Variants in ZC2HC1B observed in about 807,000 individuals in gnomAD.
The protein encoded by ZC2HC1B is zinc finger C2HC-type containing 1B, also known as zinc finger C2HC domain-containing protein 1B.
Under a neutral mutation model 31.0 loss-of-function variants are expected in ZC2HC1B, and 36 were observed. The observed-to-expected ratio is 1.16, with a 90% CI of 0.89 to 1.54. The LOEUF (loss-of-function observed/expected upper bound fraction) is 1.54, where lower values mean the gene tolerates loss of function less well. Among genes scored for constraint, ZC2HC1B ranks in the 40% most tolerant of loss-of-function variants. The pLI, the probability that ZC2HC1B is intolerant of heterozygous loss-of-function variation, is 0.00. For missense variants in ZC2HC1B, 260 were observed against 268.6 expected (o/e 0.97, Z 0.22); for synonymous variants, 73 against 88.0 (o/e 0.83, Z 0.95).
rs938029534 is a variant in ZC2HC1B, at chr6:143,865,674, A to G, written c.28+1107A>G. Among the ~76,000 whole-genome samples the G allele has an allele frequency of 6.6e-6, 1 of 151,844 alleles. No individual in the cohort carries two copies. Among genetic ancestry groups the G allele is most frequent in the Admixed American group, 6.6e-5 (1 of 15,228 alleles). On this transcript the variant is annotated intron_variant, in intron 1 of 7. Coordinates refer to ENST00000237275, the MANE Select transcript of ZC2HC1B (RefSeq NM_001013623.3). The surrounding 1 kb of genome is among the most constrained non-coding windows in gnomAD (Gnocchi z 4.4). ...TCAGTATACAGTCACAAAGTAGTGT[A>G]TGAATGAATGGATAGATGGGAAAGA...
intron 6 of ZC2HC1B, among the ~76,000 whole-genome samples, chr6:143,928,291 A>C (rs1045016533): frequency 6.6e-6 from 1 of 152,114 alleles, no homozygotes; most frequent in African/African-American, 2.4e-5. Flanking sequence ...TAATTTTTGT[A>C]TATGATGACA....
At chr6:143,892,954 G>A (rs1456164570) in intron 4 of ZC2HC1B, among the ~76,000 whole-genome samples, 1 of 150,040 alleles carries the variant, frequency 6.7e-6, no homozygotes, top group Non-Finnish European at 1.5e-5. Context: ...AAACATTTCA[G>A]TTTAAGACTT....
chr6:143,880,146 T>C (rs1777451743), intron 1 of ZC2HC1B, among the ~76,000 whole-genome samples: 1 of 152,166 alleles, frequency 6.6e-6, no homozygotes, highest in Non-Finnish European at 1.5e-5. Context: ...ATTTTTGATG[T>C]GTTAAACAAA....
At chr6:143,919,049 G>A (rs2128496721) in intron 6 of ZC2HC1B, among the ~76,000 whole-genome samples, 1 of 152,014 alleles carries the variant, frequency 6.6e-6, no homozygotes, top group South Asian at 2.1e-4. Context: ...TCTGTCATCA[G>A]GTCTTTTTTT....
rs192153938 is a variant in ZC2HC1B at position 143,873,577 on chromosome 6, T to C, written c.28+9010T>C. 3.3e-5 allele frequency among the ~76,000 whole-genome samples: 5 copies of C among 152,362 alleles called. No individual in the cohort carries two copies. The East Asian group carries it at 9.6e-4, about 29-fold the overall frequency. ...TTGCCTGAGAATCCAGGCGTTTCCATACATCTTCTGAAATCTAGGGGGAAG... is the reference window on the plus strand; with the variant it reads ...TTGCCTGAGAATCCAGGCGTTTCCACACATCTTCTGAAATCTAGGGGGAAG... On this transcript the variant is annotated intron_variant, in intron 1 of 7. Coordinates refer to ENST00000237275, the MANE Select transcript of ZC2HC1B (RefSeq NM_001013623.3).
intron 7 of ZC2HC1B, 30 bp downstream of exon 7, chr6:143,937,763 C>A: frequency 6.7e-7 from 1 of 1,485,372 alleles, no homozygotes; most frequent in Non-Finnish European, 9.1e-7. Context: ...GCTAATCCAG[C>A]TGTTGCTGAC....
intron 4 of ZC2HC1B, among the ~76,000 whole-genome samples, chr6:143,890,249 A>C (rs1220784737): frequency 6.6e-6 from 1 of 152,106 alleles, no homozygotes; most frequent in Non-Finnish European, 1.5e-5. Flanking sequence ...AGATTAGGAA[A>C]AGAGCAAATG....
rs756215949 is a variant in ZC2HC1B, at chr6:143,885,038, A to G, written c.90+673A>G. Reference sequence around the variant, plus strand: ...TATTATAAAGGGGTTCCCAAGAAAGATGATTTTTTTTCAAAAAGAAAATCT... The same window carrying G: ...TATTATAAAGGGGTTCCCAAGAAAGGTGATTTTTTTTCAAAAAGAAAATCT... On this transcript the variant is annotated intron_variant, in intron 2 of 7. Coordinates refer to ENST00000237275, the MANE Select transcript of ZC2HC1B (RefSeq NM_001013623.3). The surrounding 1 kb of genome is among the most constrained non-coding windows in gnomAD (Gnocchi z 4.2). 3.9e-5 allele frequency among the ~76,000 whole-genome samples: 6 copies of G among 152,182 alleles called. No homozygotes were observed. Among genetic ancestry groups the G allele is most frequent in the Non-Finnish European group, 5.9e-5 (4 of 68,030 alleles).
rs1421432473 is a variant in ZC2HC1B at position 143,921,793 on chromosome 6, G to T, written c.599-15856G>T. 6.6e-6 allele frequency among the ~76,000 whole-genome samples: 1 copy of T among 152,146 alleles called. No homozygotes were observed. On this transcript the variant is annotated intron_variant, in intron 6 of 7. Coordinates refer to ENST00000237275, the MANE Select transcript of ZC2HC1B (RefSeq NM_001013623.3). The surrounding 1 kb of genome is among the most constrained non-coding windows in gnomAD (Gnocchi z 6.1). Reference sequence around the variant, plus strand: ...AGAAAAATTTAAAAATTTGCTACATGTGGTGGCACCCACTTGTAGCTCTTG... The same window carrying T: ...AGAAAAATTTAAAAATTTGCTACATTTGGTGGCACCCACTTGTAGCTCTTG...
chr6:143,882,092 A>G (rs1354716555), intron 1 of ZC2HC1B, among the ~76,000 whole-genome samples: 1 of 151,842 alleles, frequency 6.6e-6, no homozygotes, highest in Admixed American at 6.6e-5. Flanking sequence ...GAAGTTGCCT[A>G]CTTGGGCCTC....
intron 6 of ZC2HC1B, among the ~76,000 whole-genome samples, chr6:143,912,074 A>T (rs1004125074): frequency 6.6e-6 from 1 of 151,862 alleles, no homozygotes; most frequent in Non-Finnish European, 1.5e-5. Flanking sequence ...AATATTTGTG[A>T]TTGCATTGTG....
intron 6 of ZC2HC1B, among the ~76,000 whole-genome samples, chr6:143,936,384 G>T (rs1230052864): frequency 6.6e-6 from 1 of 152,168 alleles, no homozygotes; most frequent in Admixed American, 6.5e-5. Context: ...CTATTTAATA[G>T]GAAGGAGCAG....
At chr6:143,879,420 G>A (rs1327730304) in intron 1 of ZC2HC1B, among the ~76,000 whole-genome samples, 1 of 152,178 alleles carries the variant, frequency 6.6e-6, no homozygotes, top group African/African-American at 2.4e-5. Context: ...CTGCTATCCT[G>A]AGTCTTAATT....
chr6:143,937,880 G>T (rs1294851052), intron 7 of ZC2HC1B, 147 bp downstream of exon 7: 4 of 581,662 alleles, frequency 6.9e-6, no homozygotes, highest in African/African-American at 5.7e-5. Context: ...AACTGACTCT[G>T]CTGTTAAACA....
At position 143,886,250 on chromosome 6, in the gene ZC2HC1B, TAATG is replaced by T; in HGVS notation, c.210+100_210+103del. The T allele has an allele frequency of 8.0e-7, 1 of 1,251,932 alleles. No homozygotes were observed. The highest frequency in any genetic ancestry group is 1.0e-6 in the Non-Finnish European group (1 of 972,108). The allele number at this position is 1,251,932 out of a possible 1,614,324, so 77.6% of individuals were successfully genotyped here. A position where few individuals can be genotyped will look rare whatever the true frequency, so the allele number is the denominator to read the frequency against. ...GTTTCATTTTTGCTTGATAATACAG[TAATG>T]TAATGTAACTGTAATCCACCTTTAC... On this transcript the variant is annotated intron_variant, in intron 3 of 7. Coordinates refer to ENST00000237275, the MANE Select transcript of ZC2HC1B (RefSeq NM_001013623.3). This position sits in a 1 kb window ranked among gnomAD's most constrained non-coding sequence, Gnocchi z 4.2.
In ZC2HC1B at chr6:143,918,149, G is replaced by A. The variant is rs1777940023; in HGVS notation, c.598+14997G>A. On this transcript the variant is annotated intron_variant, in intron 6 of 7. Coordinates refer to ENST00000237275, the MANE Select transcript of ZC2HC1B (RefSeq NM_001013623.3). The surrounding 1 kb of genome is among the most constrained non-coding windows in gnomAD (Gnocchi z 4.1). ...ACTTCCTCAGCTTTTGTTTATCTGG[G>A]AATGTCTTAATTTCTTCTTCGCCTT... Among the ~76,000 whole-genome samples, 1 of 152,086 alleles carries A rather than the reference G, an allele frequency of 6.6e-6. No homozygotes were observed. Among genetic ancestry groups the A allele is most frequent in the Non-Finnish European group, 1.5e-5 (1 of 68,014 alleles).
Position 143,886,247 on chromosome 6 carries a change from C to T in ZC2HC1B, c.210+96C>T, listed in dbSNP as rs780743828. 2.8e-5 allele frequency: 36 copies of T among 1,300,304 alleles called. No individual in the cohort carries two copies. Among genetic ancestry groups the T allele is most frequent in the Non-Finnish European group, 3.5e-5 (35 of 1,006,834 alleles). The allele number at this position is 1,300,304 out of a possible 1,614,324, so 80.5% of individuals were successfully genotyped here. The stretch of plus-strand genomic sequence containing the variant: ...CTGGTTTCATTTTTGCTTGATAATA[C>T]AGTAATGTAATGTAACTGTAATCCA... On this transcript the variant is annotated intron_variant, in intron 3 of 7. Coordinates refer to ENST00000237275, the MANE Select transcript of ZC2HC1B (RefSeq NM_001013623.3). This position sits in a 1 kb window ranked among gnomAD's most constrained non-coding sequence, Gnocchi z 4.2.
rs1185630591 is a variant in ZC2HC1B, at chr6:143,872,369, CTG to C, written c.28+7805_28+7806del. Among the ~76,000 whole-genome samples the C allele has an allele frequency of 6.6e-6, 1 of 152,140 alleles. No individual in the cohort carries two copies. The highest frequency in any genetic ancestry group is 1.5e-5 in the Non-Finnish European group (1 of 68,022). On this transcript the variant is annotated intron_variant, in intron 1 of 7. Coordinates refer to ENST00000237275, the MANE Select transcript of ZC2HC1B (RefSeq NM_001013623.3). This position sits in a 1 kb window ranked among gnomAD's most constrained non-coding sequence, Gnocchi z 5.5. ...CCTTTCAGTTTCACTTCTAGAAACA[CTG>C]TGATTAGTCAGTGCCAGAGCTCTAT... is the stretch of plus-strand genomic sequence containing the variant.
chr6:143,874,986 C>T (rs1024988182), intron 1 of ZC2HC1B, among the ~76,000 whole-genome samples: 1 of 152,076 alleles, frequency 6.6e-6, no homozygotes, highest in Non-Finnish European at 1.5e-5. Context: ...GTGCTCACCA[C>T]CACTTCCAGC....
Sources: allele counts gnomAD v4.1 joint callset (sites outside exome capture counted in the v4.1 genomes callset), GRCh38; gene constraint gnomAD v4.1.1; non-coding constraint Gnocchi (gnomAD v3.1); transcripts MANE v1.5; gene names NCBI Gene and HGNC (gene_info 2026-07-23, HGNC 2026-07-21).